The following PTPRQ variants were observed in gnomAD, a reference collection of about 807,000 sequenced individuals.
PTPRQ encodes the protein phosphatidylinositol phosphatase PTPRQ.
In PTPRQ, 199 loss-of-function variants were observed where a neutral mutation model predicts 246.0. The ratio of observed to expected loss-of-function variants is 0.81; its 90% CI spans 0.72 to 0.91. The LOEUF (loss-of-function observed/expected upper bound fraction) is 0.91, where lower values mean the gene tolerates loss of function less well. Ranked by LOEUF, PTPRQ falls within the 40% of genes least tolerant of loss-of-function variation. The pLI is 0.00. For missense variants in PTPRQ, 2,624 were observed against 2,528.4 expected (o/e 1.04, Z -0.81); for synonymous variants, 869 against 853.2 (o/e 1.02, Z -0.32).
intron 26 of PTPRQ, among the ~76,000 whole-genome samples, chr12:80,601,466 C>G (rs991609042): frequency 6.6e-6 from 1 of 151,826 alleles, no homozygotes; most frequent in South Asian, 2.1e-4. Flanking sequence ...ATAGTAAGCA[C>G]TTAATAAATA....
intron 6 of PTPRQ, 102 bp from the exon 7 acceptor site, chr12:80,468,608 T>C: frequency 8.3e-7 from 1 of 1,210,844 alleles, no homozygotes; most frequent in Non-Finnish European, 1.1e-6. Context: ...AGCGCGATAT[T>C]TTATTTTCCT....
intron 17 of PTPRQ, among the ~76,000 whole-genome samples, chr12:80,511,930 T>C (rs569988268): frequency 2.6e-5 from 4 of 152,314 alleles, no homozygotes; most frequent in Admixed American, 2.6e-4. Flanking sequence ...CACTTTAGAT[T>C]CCTTATAAAG....
chr12:80,500,790 A>T (rs1209689460), intron 14 of PTPRQ, among the ~76,000 whole-genome samples: 1 of 151,968 alleles, frequency 6.6e-6, no homozygotes, highest in Non-Finnish European at 1.5e-5. Flanking sequence ...AGACACAATA[A>T]ATCTCTACCT....
chr12:80,670,529 G>C, intron 42 of PTPRQ, 37 bp downstream of exon 42: 2 of 1,423,288 alleles, frequency 1.4e-6, no homozygotes, highest in South Asian at 3.2e-5. Flanking sequence ...TGAACCCATT[G>C]GTCTTTTTAT....
At chr12:80,458,028 C>T (rs563560663) in intron 4 of PTPRQ, among the ~76,000 whole-genome samples, 4 of 152,112 alleles carry the variant, frequency 2.6e-5, no homozygotes, top group African/African-American at 4.8e-5. Flanking sequence ...AAGTTTATAT[C>T]CTGCCTTTTC....
At chr12:80,624,584 C>T (rs1055812464) in intron 33 of PTPRQ, among the ~76,000 whole-genome samples, 3 of 152,178 alleles carry the variant, frequency 2.0e-5, no homozygotes, top group African/African-American at 7.2e-5. Flanking sequence ...ACCCCTGGAG[C>T]AGAATTCCTC....
At chr12:80,496,816 T>C (rs966541364) in intron 14 of PTPRQ, among the ~76,000 whole-genome samples, 2 of 152,090 alleles carry the variant, frequency 1.3e-5, no homozygotes, top group African/African-American at 4.8e-5. Context: ...CTATAAATTT[T>C]AGATTGAATG....
chr12:80,481,881 C>T (rs1894074760), intron 8 of PTPRQ, among the ~76,000 whole-genome samples: 1 of 151,544 alleles, frequency 6.6e-6, no homozygotes, highest in Admixed American at 6.6e-5. Context: ...AAAGAGGATA[C>T]AAACAAATGG....
At chr12:80,451,107 G>A (rs1267068170) in intron 3 of PTPRQ, among the ~76,000 whole-genome samples, 1 of 152,202 alleles carries the variant, frequency 6.6e-6, no homozygotes, top group Non-Finnish European at 1.5e-5. Context: ...TTAGTCTTGG[G>A]AGGGTGTATG....
intron 7 of PTPRQ, among the ~76,000 whole-genome samples, chr12:80,471,488 TTTTA>T (rs796990685): frequency 7.4e-5 from 3 of 40,638 alleles, no homozygotes; most frequent in African/African-American, 9.4e-5. Context: ...TTTTTTTTTT[TTTTA>T]TTTGAGACAG....
intron 16 of PTPRQ, among the ~76,000 whole-genome samples, chr12:80,507,990 A>C (rs574193281): frequency 6.6e-6 from 1 of 152,108 alleles, no homozygotes; most frequent in South Asian, 2.1e-4. Context: ...TAATGGTAAG[A>C]ATTTGAGATC....
intron 8 of PTPRQ, among the ~76,000 whole-genome samples, chr12:80,475,947 C>T (rs1893797087): frequency 6.6e-6 from 1 of 151,980 alleles, no homozygotes; most frequent in South Asian, 2.1e-4. Context: ...TGATATCTAA[C>T]ACATTAGTGT....
chr12:80,462,161 G>A (rs944590315), intron 6 of PTPRQ: 49 of 248,092 alleles, frequency 2.0e-4, no homozygotes, highest in East Asian at 1.0e-3. Flanking sequence ...ACTCCCACCC[G>A]AATACTGCGC....
intron 33 of PTPRQ, among the ~76,000 whole-genome samples, chr12:80,622,539 G>A (rs761878679): frequency 1.3e-5 from 2 of 151,986 alleles, no homozygotes; most frequent in African/African-American, 2.4e-5. Flanking sequence ...AAAACAGCCC[G>A]TAATGTCAGT....
At chr12:80,470,422 G>A (rs1020275919) in intron 7 of PTPRQ, among the ~76,000 whole-genome samples, 1 of 152,128 alleles carries the variant, frequency 6.6e-6, no homozygotes, top group Non-Finnish European at 1.5e-5. Flanking sequence ...ACTATTAGTT[G>A]GGAGTGAAGA....
At chr12:80,649,416 GA>G (rs527664746) in intron 36 of PTPRQ, among the ~76,000 whole-genome samples, 171 bp from the exon 37 acceptor site, 138 of 152,222 alleles carry the variant, frequency 9.1e-4, no homozygotes, top group African/African-American at 3.2e-3. Context: ...TGAGCTTAAA[GA>G]AGAAAAGTTA....
intron 25 of PTPRQ, among the ~76,000 whole-genome samples, chr12:80,551,408 G>A (rs761999288): frequency 1.3e-5 from 2 of 152,178 alleles, no homozygotes; most frequent in South Asian, 2.1e-4. Flanking sequence ...GAGGGACCTT[G>A]TTGCTTCCTG....
At chr12:80,593,366 G>T (rs1411778059) in intron 26 of PTPRQ, among the ~76,000 whole-genome samples, 1 of 152,048 alleles carries the variant, frequency 6.6e-6, no homozygotes, top group South Asian at 2.1e-4. Context: ...AACTATCTGA[G>T]CCCATAACAA....
intron 34 of PTPRQ, among the ~76,000 whole-genome samples, chr12:80,634,309 C>T (rs1211532305): frequency 6.6e-6 from 1 of 151,930 alleles, no homozygotes; most frequent in Non-Finnish European, 1.5e-5. Flanking sequence ...TGTAATATAC[C>T]ATACTGTGTC....
Sources: gnomAD v4.1 joint callset for allele counts (sites outside exome capture counted in the v4.1 genomes callset) on GRCh38, gnomAD v4.1.1 for gene constraint, MANE v1.5 for transcripts, NCBI Gene and HGNC (gene_info 2026-07-23, HGNC 2026-07-21) for gene names.